RABGEF1: variants seen among roughly 807,000 people sequenced by gnomAD.
The protein encoded by RABGEF1 is rab5 GDP/GTP exchange factor.
RABGEF1 carries 26 observed loss-of-function variants against 57.3 expected under a neutral mutation model. The observed-to-expected ratio is 0.45, with a 90% CI of 0.33 to 0.63. The LOEUF (loss-of-function observed/expected upper bound fraction) is 0.63, where lower values mean the gene tolerates loss of function less well. RABGEF1 is among the 20% of genes least tolerant of loss of function. The pLI is 0.02. For missense variants in RABGEF1, 464 were observed against 607.6 expected (o/e 0.76, Z 2.48); for synonymous variants, 185 against 210.7 (o/e 0.88, Z 1.06).
At chr7:66,808,038 C>T (rs1788802998) in intron 8 of RABGEF1, 1 of 152,164 alleles carries the variant, frequency 6.6e-6, no homozygotes, top group Non-Finnish European at 1.5e-5. Context: ...CTGCAGGCCT[C>T]TCGGAAGCAC....
chr7:66,777,553 C>T (rs1232480166), intron 3 of RABGEF1, among the ~76,000 whole-genome samples: 1 of 152,002 alleles, frequency 6.6e-6, no homozygotes, highest in African/African-American at 2.4e-5. Flanking sequence ...ACCTGTGTCC[C>T]AAAAGCCTCT....
At chr7:66,659,962 T>G in the RABGEF1 span, among the ~76,000 whole-genome samples, 2 of 151,714 alleles carry the variant, frequency 1.3e-5, no homozygotes, top group African/African-American at 4.8e-5. Flanking sequence ...AATTAAAAGT[T>G]TTTTTACAGG....
chr7:66,773,899 C>A (rs1807848790), intron 2 of RABGEF1: 1 of 416,400 alleles, frequency 2.4e-6, no homozygotes, highest in Admixed American at 2.6e-5. Context: ...TTCCTGAGCT[C>A]AAGTGATCCG....
intron 1 of RABGEF1, among the ~76,000 whole-genome samples, chr7:66,688,325 T>C (rs1364969339): frequency 2.0e-5 from 3 of 152,166 alleles, no homozygotes; most frequent in African/African-American, 4.8e-5. Context: ...ACAGTGATCA[T>C]TGGTGACCTC....
At position 66,755,715 on chromosome 7, in the gene RABGEF1, A is replaced by G. The variant is rs189645810; in HGVS notation, c.-18+14923A>G. ...TAATTTTGAGCTGTTATTCCGGAGA[A>G]TGGCATGCTCAGATTAGAGTTACAA... On this transcript the variant is annotated intron_variant, in intron 1 of 8. Coordinates refer to ENST00000284957, the MANE Select transcript of RABGEF1 (RefSeq NM_014504.3). Among the ~76,000 whole-genome samples, 7 of 152,276 alleles carry G rather than the reference A, an allele frequency of 4.6e-5. No individual in the cohort carries two copies. In the East Asian group the frequency reaches 7.7e-4, roughly 17 times the overall value.
chr7:66,805,235 A>G lies in RABGEF1; in HGVS notation c.916A>G (p.Lys306Glu). Residue 306 changes from lysine (K) to glutamate (E), a missense_variant, in exon 8 of 9, where the codon AAG becomes GAG. By Grantham distance (56) the Lys-to-Glu change is moderately conservative. Transcript: ENST00000284957. ...CATCTTCAATGCCATCAAGATCACC[A>G]AGAATGAGCCGGCGTCAGCGGATGA... is the stretch of plus-strand genomic sequence containing the variant. ...KHIFNAIKITKNEPASADDFL... is the reference protein window; with the variant it reads ...KHIFNAIKITENEPASADDFL... 1 of 1,614,224 alleles carries G rather than the reference A, an allele frequency of 6.2e-7. No homozygotes were observed. The highest frequency in any genetic ancestry group is 1.3e-5 in the African/African-American group (1 of 75,058).
chr7:66,719,324 C>T (rs181854206), intron 2 of RABGEF1, among the ~76,000 whole-genome samples: 46 of 152,218 alleles, frequency 3.0e-4, no homozygotes, highest in Non-Finnish European at 3.4e-4. Context: ...ATCTTAGCCT[C>T]CTGAGTAGTT....
intron 1 of RABGEF1, among the ~76,000 whole-genome samples, chr7:66,754,544 G>A (rs1383955452): frequency 1.3e-5 from 2 of 151,956 alleles, no homozygotes; most frequent in Non-Finnish European, 2.9e-5. Context: ...AGGAGTTGGA[G>A]ACCAGCCTGG....
chr7:66,780,809 A>C (rs1809713090), intron 3 of RABGEF1, among the ~76,000 whole-genome samples: 1 of 152,138 alleles, frequency 6.6e-6, no homozygotes, highest in South Asian at 2.1e-4. Flanking sequence ...TGTTCTTGGT[A>C]ATATGGTCCA....
chr7:66,765,545 A>C (rs1805486371), intron 1 of RABGEF1, among the ~76,000 whole-genome samples: 1 of 152,142 alleles, frequency 6.6e-6, no homozygotes, highest in Non-Finnish European at 1.5e-5. Context: ...GCGTGCACGT[A>C]AACCTTAGCC....
At chr7:66,711,711 C>T (rs1261652583) in intron 1 of RABGEF1, among the ~76,000 whole-genome samples, 2 of 152,002 alleles carry the variant, frequency 1.3e-5, no homozygotes, top group Non-Finnish European at 2.9e-5. Flanking sequence ...CTCAGCCTCC[C>T]GAGTAGCTGG....
At chr7:66,721,709 T>C (rs951668998) in intron 2 of RABGEF1, among the ~76,000 whole-genome samples, 2 of 152,174 alleles carry the variant, frequency 1.3e-5, no homozygotes, top group Admixed American at 1.3e-4. Flanking sequence ...GGCTCACGAC[T>C]CTAATCCCAG....
At chr7:66,674,689 C>T in the RABGEF1 span, among the ~76,000 whole-genome samples, 1 of 151,882 alleles carries the variant, frequency 6.6e-6, no homozygotes, top group Non-Finnish European at 1.5e-5. Context: ...AGGAAAGAAG[C>T]CAAGTACAAA....
chr7:66,738,731 C>CAAAAAAAAAA (rs546724986), upstream of RABGEF1, among the ~76,000 whole-genome samples: 1 of 95,004 alleles, frequency 1.1e-5, no homozygotes, highest in Non-Finnish European at 2.0e-5. Context: ...GACTCTAACT[C>CAAAAAAAAAA]AAAAAAAAAA....
intron 1 of RABGEF1, among the ~76,000 whole-genome samples, chr7:66,695,870 G>T (rs1218646325): frequency 6.6e-6 from 1 of 151,904 alleles, no homozygotes; most frequent in Admixed American, 6.6e-5. Flanking sequence ...GGAGGCTGAC[G>T]CAGGAGTATC....
At chr7:66,681,326 A>G (rs573946159), upstream of RABGEF1, among the ~76,000 whole-genome samples, 66 of 151,816 alleles carry the variant, frequency 4.3e-4, no homozygotes, top group Admixed American at 1.3e-3. Flanking sequence ...ACAGTATCCA[A>G]TTTGTGACTC....
the RABGEF1 span, among the ~76,000 whole-genome samples, chr7:66,671,458 C>T: frequency 1.3e-5 from 2 of 152,080 alleles, no homozygotes; most frequent in Non-Finnish European, 2.9e-5. Context: ...ACCTGGATTT[C>T]GGGGCTCAGC....
At chr7:66,788,971 T>A (rs2129153829) in intron 4 of RABGEF1, among the ~76,000 whole-genome samples, 1 of 152,068 alleles carries the variant, frequency 6.6e-6, no homozygotes, top group Admixed American at 6.6e-5. Flanking sequence ...AAAAAAATAA[T>A]AATAATAATC....
chr7:66,746,650 G>C (rs1782123802), intron 1 of RABGEF1, among the ~76,000 whole-genome samples: 1 of 127,696 alleles, frequency 7.8e-6, no homozygotes, highest in African/African-American at 2.9e-5. Context: ...TGAGAACAGA[G>C]TCTTGCTCTG....
Sources: gnomAD v4.1 joint callset for allele counts (sites outside exome capture counted in the v4.1 genomes callset) on GRCh38, gnomAD v4.1.1 for gene constraint, MANE v1.5 for transcripts, NCBI Gene and HGNC (gene_info 2026-07-23, HGNC 2026-07-21) for gene names.